Variants in SAMD5 observed in about 807,000 individuals in gnomAD.
The protein encoded by SAMD5 is sterile alpha motif domain containing 5.
SAMD5 carries 13 observed loss-of-function variants against 11.3 expected under a neutral mutation model. The observed-to-expected ratio is 1.15, with a 90% CI of 0.75 to 1.83. SAMD5 has a LOEUF of 1.83. SAMD5 is among the 40% of genes most tolerant of loss of function. SAMD5 has a pLI of 0.00. For missense variants in SAMD5, 255 were observed against 239.1 expected (o/e 1.07, Z -0.44); for synonymous variants, 129 against 111.3 (o/e 1.16, Z -1.00).
intron 1 of SAMD5, among the ~76,000 whole-genome samples, chr6:147,634,423 T>C (rs1469870710): frequency 6.6e-6 from 1 of 152,184 alleles, no homozygotes; most frequent in African/African-American, 2.4e-5. Flanking sequence ...TCTGACCCCA[T>C]GATCCAATTA....
At chr6:147,755,524 C>A in the SAMD5 span, among the ~76,000 whole-genome samples, 1 of 151,992 alleles carries the variant, frequency 6.6e-6, no homozygotes, top group African/African-American at 2.4e-5. Context: ...AGTGCATTTT[C>A]TGTACAGATA....
chr6:147,698,516 G>A (rs1465618144), intron 1 of SAMD5, among the ~76,000 whole-genome samples: 1 of 152,080 alleles, frequency 6.6e-6, no homozygotes, highest in Admixed American at 6.5e-5. Flanking sequence ...GACTCAAAAG[G>A]CATGTTTCCT....
At chr6:147,600,603 C>T (rs532817081) in intron 1 of SAMD5, among the ~76,000 whole-genome samples, 3 of 152,150 alleles carry the variant, frequency 2.0e-5, no homozygotes, top group African/African-American at 2.4e-5. Flanking sequence ...TCTTGGAGTA[C>T]ATCACTTTTC....
intron 1 of SAMD5, among the ~76,000 whole-genome samples, chr6:147,650,028 G>T (rs139245492): frequency 1.3e-5 from 2 of 152,304 alleles, no homozygotes; most frequent in Non-Finnish European, 2.9e-5. Flanking sequence ...AGAGTGAAAG[G>T]TGCTATTAAC....
chr6:147,748,854 A>G, the SAMD5 span, among the ~76,000 whole-genome samples: 1 of 152,200 alleles, frequency 6.6e-6, no homozygotes, highest in African/African-American at 2.4e-5. Flanking sequence ...CATTCAGCCA[A>G]TGATAGAACC....
chr6:147,756,897 T>A, the SAMD5 span, among the ~76,000 whole-genome samples: 3 of 152,232 alleles, frequency 2.0e-5, no homozygotes, highest in African/African-American at 7.2e-5. Flanking sequence ...ATTAAAATTG[T>A]GGCTTTCAAC....
chr6:147,915,117 G>A, the SAMD5 span, among the ~76,000 whole-genome samples: 2 of 152,156 alleles, frequency 1.3e-5, no homozygotes, highest in Non-Finnish European at 2.9e-5. Context: ...TTGGAATACA[G>A]ACAGTAGATT....
At chr6:147,794,019 A>G in the SAMD5 span, among the ~76,000 whole-genome samples, 1 of 152,122 alleles carries the variant, frequency 6.6e-6, no homozygotes, top group African/African-American at 2.4e-5. Context: ...CAGTAATTCA[A>G]ATTCACTCTT....
intron 1 of SAMD5, among the ~76,000 whole-genome samples, chr6:147,559,684 T>A (rs1264458947): frequency 6.6e-6 from 1 of 152,156 alleles, no homozygotes; most frequent in Non-Finnish European, 1.5e-5. Flanking sequence ...ATTTGGGTAG[T>A]TGCCTCTAAA....
intron 1 of SAMD5, among the ~76,000 whole-genome samples, chr6:147,664,407 G>C (rs1351717569): frequency 2.6e-5 from 4 of 152,048 alleles, no homozygotes; most frequent in Admixed American, 2.6e-4. Flanking sequence ...AACTTGTCCT[G>C]ATACTTTTAA....
chr6:147,906,772 C>T, the SAMD5 span, among the ~76,000 whole-genome samples: 30,010 of 152,100 alleles, frequency 0.2, 3,236 homozygotes, highest in Admixed American at 0.29. Flanking sequence ...AGTCTCGAGG[C>T]AGGTAGCGTT....
At chr6:147,839,084 A>C in the SAMD5 span, among the ~76,000 whole-genome samples, 1 of 152,214 alleles carries the variant, frequency 6.6e-6, no homozygotes, top group Non-Finnish European at 1.5e-5. Flanking sequence ...CAGTTCTTCC[A>C]AACTTACTGA....
chr6:147,768,309 C>G, the SAMD5 span, among the ~76,000 whole-genome samples: 1 of 151,996 alleles, frequency 6.6e-6, no homozygotes, highest in East Asian at 1.9e-4. Context: ...ACCAGCCTGG[C>G]CAACATAGTG....
intron 1 of SAMD5, among the ~76,000 whole-genome samples, chr6:147,679,113 A>C (rs199567657): frequency 9.7e-5 from 5 of 51,728 alleles, no homozygotes; most frequent in Non-Finnish European, 3.1e-4. Context: ...TGATTATTAC[A>C]AATAAATCTA....
At chr6:147,872,851 C>T in the SAMD5 span, among the ~76,000 whole-genome samples, 6 of 152,166 alleles carry the variant, frequency 3.9e-5, no homozygotes, top group Admixed American at 2.0e-4. Context: ...AAATCTAACT[C>T]AAATTGGAAA....
the SAMD5 span, among the ~76,000 whole-genome samples, chr6:147,850,850 T>G: frequency 6.6e-6 from 1 of 151,940 alleles, no homozygotes; most frequent in East Asian, 1.9e-4. Flanking sequence ...AGATCAGCTG[T>G]GGCAGTATCG....
At chr6:147,789,192 A>G in the SAMD5 span, among the ~76,000 whole-genome samples, 2 of 151,952 alleles carry the variant, frequency 1.3e-5, no homozygotes, top group Admixed American at 6.6e-5. Flanking sequence ...CTTAAGCCCA[A>G]GGAGTTCAAA....
chr6:147,871,349 A>G, the SAMD5 span, among the ~76,000 whole-genome samples: 2 of 152,188 alleles, frequency 1.3e-5, no homozygotes, highest in African/African-American at 4.8e-5. Context: ...TTAAGAATAA[A>G]ACTATAAAAA....
chr6:147,789,094 AACAAAC>A, the SAMD5 span, among the ~76,000 whole-genome samples: 1 of 118,858 alleles, frequency 8.4e-6, no homozygotes, highest in African/African-American at 4.0e-5. Flanking sequence ...AAAACAAACA[AACAAAC>A]AAAAAAAAAA....
Sources: allele counts gnomAD v4.1 joint callset (sites outside exome capture counted in the v4.1 genomes callset), GRCh38; gene constraint gnomAD v4.1.1; transcripts MANE v1.5; gene names NCBI Gene and HGNC (gene_info 2026-07-23, HGNC 2026-07-21).